BLTP3A: variants seen among roughly 807,000 people sequenced by gnomAD.
BLTP3A encodes bridge-like lipid transfer protein family member 3A.
At chr6:34,795,321 T>C in the BLTP3A span, among the ~76,000 whole-genome samples, 2 of 150,282 alleles carry the variant, frequency 1.3e-5, no homozygotes, top group Admixed American at 1.3e-4. Context: ...CTTCAAGGAA[T>C]CCTGCCTCAG....
the BLTP3A span, among the ~76,000 whole-genome samples, chr6:34,802,273 G>A: frequency 6.6e-6 from 1 of 151,542 alleles, no homozygotes; most frequent in Non-Finnish European, 1.5e-5. Context: ...CGGTGCGATC[G>A]TAGCTCACTG....
At chr6:34,807,727 T>TA in the BLTP3A span, among the ~76,000 whole-genome samples, 1 of 152,056 alleles carries the variant, frequency 6.6e-6, no homozygotes, top group Non-Finnish European at 1.5e-5. Context: ...ATGAAAGAAA[T>TA]ATGGGAATAT....
At chr6:34,832,816 A>C in the BLTP3A span, among the ~76,000 whole-genome samples, 1 of 152,038 alleles carries the variant, frequency 6.6e-6, no homozygotes, top group Non-Finnish European at 1.5e-5. Flanking sequence ...TCCCACTTTT[A>C]TCAGGCTCTT....
the BLTP3A span, chr6:34,867,688 T>C: frequency 1.3e-4 from 198 of 1,520,980 alleles, no homozygotes; most frequent in African/African-American, 2.5e-3. Flanking sequence ...CTTGTACTTG[T>C]CACTGTGCTC....
At chr6:34,834,619 G>A in the BLTP3A span, 1 of 1,457,188 alleles carries the variant, frequency 6.9e-7, no homozygotes, top group South Asian at 1.3e-5. Flanking sequence ...CCAACTGAGA[G>A]TGCTGGGAGT....
At chr6:34,823,243 G>A in the BLTP3A span, 1 of 1,608,858 alleles carries the variant, frequency 6.2e-7, no homozygotes, top group Non-Finnish European at 8.5e-7. Flanking sequence ...AGTTCTCCTT[G>A]ACTTCTATTT....
the BLTP3A span, chr6:34,858,086 A>G: frequency 4.4e-6 from 7 of 1,595,260 alleles, no homozygotes; most frequent in South Asian, 3.4e-5. Flanking sequence ...AGATACTCAG[A>G]TGACCATTCT....
chr6:34,836,135 TTCTC>T, the BLTP3A span: 2 of 1,607,118 alleles, frequency 1.2e-6, no homozygotes, highest in Non-Finnish European at 1.7e-6. Flanking sequence ...GACTTCCTGT[TTCTC>T]TCTCTGTCAC....
the BLTP3A span, among the ~76,000 whole-genome samples, chr6:34,804,447 A>G: frequency 2.6e-5 from 4 of 152,282 alleles, no homozygotes; most frequent in Non-Finnish European, 5.9e-5. Context: ...AAAGCCCAGT[A>G]ATGCATTAAG....
At chr6:34,844,674 T>C in the BLTP3A span, among the ~76,000 whole-genome samples, 703 of 152,358 alleles carry the variant, frequency 4.6e-3, 3 homozygotes, top group African/African-American at 0.015. Context: ...GATACATGTC[T>C]ATTCAGGTCT....
the BLTP3A span, among the ~76,000 whole-genome samples, chr6:34,830,176 C>T: frequency 4.1e-4 from 62 of 152,148 alleles, no homozygotes; most frequent in African/African-American, 1.5e-3. Flanking sequence ...AGGCTGGTCT[C>T]ATCCTGGTCT....
chr6:34,821,434 G>A, the BLTP3A span: 1 of 409,316 alleles, frequency 2.4e-6, no homozygotes. Context: ...TGGTCTGAGT[G>A]CATTTGTTCT....
chr6:34,832,156 G>T, the BLTP3A span, among the ~76,000 whole-genome samples: 1 of 143,268 alleles, frequency 7.0e-6, no homozygotes, highest in Non-Finnish European at 1.5e-5. Context: ...GTCTCACTCT[G>T]TCACTCAGGT....
At chr6:34,862,912 C>CTTTTTTTTTT in the BLTP3A span, among the ~76,000 whole-genome samples, 1 of 139,720 alleles carries the variant, frequency 7.2e-6, no homozygotes. Context: ...TGATAATTTG[C>CTTTTTTTTTT]TTTTTTTTTT....
the BLTP3A span, among the ~76,000 whole-genome samples, chr6:34,798,379 A>G: frequency 2.0e-5 from 3 of 152,298 alleles, no homozygotes; most frequent in East Asian, 5.8e-4. Flanking sequence ...AAACAAATGT[A>G]CGCATTTCTG....
chr6:34,794,790 G>GT, the BLTP3A span, among the ~76,000 whole-genome samples: 658 of 145,548 alleles, frequency 4.5e-3, 4 homozygotes, highest in African/African-American at 7.4e-3. Flanking sequence ...GAGTTTTTTT[G>GT]TTTTTTTTTT....
At chr6:34,874,988 A>C in the BLTP3A span, 3 of 152,664 alleles carry the variant, frequency 2.0e-5, no homozygotes, top group Admixed American at 6.5e-5. Context: ...GAGGGGAGTT[A>C]GATCAAATAT....
the BLTP3A span, among the ~76,000 whole-genome samples, chr6:34,811,636 G>T: frequency 6.6e-6 from 1 of 151,442 alleles, no homozygotes; most frequent in Non-Finnish European, 1.5e-5. Flanking sequence ...GATAACTTGA[G>T]GTCAGGAGTT....
At chr6:34,858,355 C>T in the BLTP3A span, 1 of 1,614,140 alleles carries the variant, frequency 6.2e-7, no homozygotes. Context: ...GCTTTTTTTG[C>T]ATCATGCCTT....
Sources: allele counts gnomAD v4.1 joint callset (sites outside exome capture counted in the v4.1 genomes callset), GRCh38; gene constraint gnomAD v4.1.1; transcripts MANE v1.5; gene names NCBI Gene and HGNC (gene_info 2026-07-23, HGNC 2026-07-21).